The following STK32B variants were observed in gnomAD, a reference collection of about 807,000 sequenced individuals.
STK32B encodes the protein serine/threonine-protein kinase 32B.
In STK32B, 43 loss-of-function variants were observed where a neutral mutation model predicts 52.6. The observed-to-expected ratio is 0.82, with a 90% CI of 0.64 to 1.05. The LOEUF is 1.05. Ranked by LOEUF, STK32B falls within the 50% of genes least tolerant of loss-of-function variation. STK32B has a pLI of 0.00. For synonymous variants in STK32B, 238 were observed against 204.3 expected (o/e 1.17, Z -1.41); for missense variants, 621 against 534.6 (o/e 1.16, Z -1.59).
At chr4:5,404,117 G>T (rs894283659) in intron 5 of STK32B, among the ~76,000 whole-genome samples, 12 of 152,110 alleles carry the variant, frequency 7.9e-5, no homozygotes, top group Admixed American at 3.3e-4. Flanking sequence ...CCAGCAAATG[G>T]CCCCTGTATT....
At chr4:5,222,544 G>A (rs1169307437) in intron 3 of STK32B, among the ~76,000 whole-genome samples, 1 of 151,706 alleles carries the variant, frequency 6.6e-6, no homozygotes, top group East Asian at 1.9e-4. Flanking sequence ...GAAAACTGAA[G>A]GAAAGACAAC....
chr4:5,179,627 C>T (rs79341558), intron 3 of STK32B, among the ~76,000 whole-genome samples: 28,508 of 152,014 alleles, frequency 0.19, 3,345 homozygotes, highest in East Asian at 0.3. Flanking sequence ...GATTGATAGA[C>T]GATGGCCCTT....
Position 5,331,411 on chromosome 4 carries a change from G to T in STK32B, c.434+18G>T. 1 of 1,596,750 alleles carries T rather than the reference G, an allele frequency of 6.3e-7. No homozygotes were observed. The highest frequency in any genetic ancestry group is 1.1e-5 in the South Asian group (1 of 88,200). Reference sequence around the variant, plus strand: ...ATCCACAGGTAACTGGGCTGCTGGCGGGATGCCTGGGACAGAGGGACCATG... The same window carrying T: ...ATCCACAGGTAACTGGGCTGCTGGCTGGATGCCTGGGACAGAGGGACCATG... On this transcript the variant is annotated intron_variant, in intron 4 of 11. Transcript: ENST00000282908.
At chr4:5,236,237 CT>C (rs1468198169) in intron 3 of STK32B, among the ~76,000 whole-genome samples, 1 of 152,190 alleles carries the variant, frequency 6.6e-6, no homozygotes, top group African/African-American at 2.4e-5. Flanking sequence ...CTTTTCTGAA[CT>C]TCACACCTTC....
chr4:5,031,912 CTG>C, the STK32B span, among the ~76,000 whole-genome samples: 1 of 152,288 alleles, frequency 6.6e-6, no homozygotes, highest in African/African-American at 2.4e-5. Context: ...CTCACCAGAT[CTG>C]TGTCTATAGA....
chr4:5,239,182 A>G (rs1476969604), intron 3 of STK32B, among the ~76,000 whole-genome samples: 1 of 152,124 alleles, frequency 6.6e-6, no homozygotes, highest in Non-Finnish European at 1.5e-5. Flanking sequence ...GACAGGAGAC[A>G]GAGAGAGGTG....
intron 1 of STK32B, among the ~76,000 whole-genome samples, chr4:5,098,657 C>T (rs1577066726): frequency 1.3e-5 from 2 of 152,334 alleles, no homozygotes; most frequent in East Asian, 3.9e-4. Flanking sequence ...GCTAAATGTA[C>T]TAAATGTAGG....
chr4:5,307,108 A>G (rs10032256), intron 3 of STK32B, among the ~76,000 whole-genome samples: 19,486 of 152,090 alleles, frequency 0.13, 2,707 homozygotes, highest in African/African-American at 0.36. Context: ...TCTGATGACT[A>G]TGTTCCTAGG....
At chr4:5,220,042 A>G (rs1278473807) in intron 3 of STK32B, among the ~76,000 whole-genome samples, 2 of 152,202 alleles carry the variant, frequency 1.3e-5, no homozygotes, top group African/African-American at 4.8e-5. Context: ...ATTTTATTGT[A>G]CACACTAAAG....
chr4:5,332,382 C>T (rs1195117899), intron 4 of STK32B, among the ~76,000 whole-genome samples: 1 of 152,096 alleles, frequency 6.6e-6, no homozygotes, highest in African/African-American at 2.4e-5. Context: ...CTAAAGAATT[C>T]CCCAAAAGCT....
At chr4:5,263,367 C>T (rs767869834) in intron 3 of STK32B, among the ~76,000 whole-genome samples, 25 of 152,168 alleles carry the variant, frequency 1.6e-4, no homozygotes, top group Non-Finnish European at 1.5e-4. Flanking sequence ...TGCCCAGTCT[C>T]CTAAAGCCAC....
At chr4:5,084,842 A>G (rs888831359) in intron 1 of STK32B, among the ~76,000 whole-genome samples, 1 of 152,216 alleles carries the variant, frequency 6.6e-6, no homozygotes, top group Non-Finnish European at 1.5e-5. Flanking sequence ...TGCTTATGCC[A>G]GAGGAGACAC....
chr4:5,294,617 G>T (rs1041844332), intron 3 of STK32B, among the ~76,000 whole-genome samples: 5 of 152,076 alleles, frequency 3.3e-5, no homozygotes, highest in Non-Finnish European at 1.5e-5. Flanking sequence ...TTTTCCCATT[G>T]ATTTTGTATT....
chr4:5,423,857 A>C (rs561898199), intron 6 of STK32B, among the ~76,000 whole-genome samples: 2 of 152,162 alleles, frequency 1.3e-5, no homozygotes, highest in Admixed American at 6.5e-5. Flanking sequence ...TCCATGCTCC[A>C]CAGAGCCAAT....
chr4:5,425,177 G>A (rs1712988122), intron 6 of STK32B, among the ~76,000 whole-genome samples: 1 of 152,220 alleles, frequency 6.6e-6, no homozygotes, highest in African/African-American at 2.4e-5. Context: ...TGGACCAGTA[G>A]CACAAGCTGA....
chr4:5,095,888 T>A (rs934692612), intron 1 of STK32B, among the ~76,000 whole-genome samples: 2 of 152,240 alleles, frequency 1.3e-5, no homozygotes, highest in African/African-American at 4.8e-5. Context: ...ATGTTATTAA[T>A]CATTCAAAGT....
At chr4:5,289,506 T>C (rs1396657230) in intron 3 of STK32B, among the ~76,000 whole-genome samples, 1 of 152,022 alleles carries the variant, frequency 6.6e-6, no homozygotes, top group African/African-American at 2.4e-5. Context: ...TATAAATATA[T>C]AAAGAGGTGT....
intron 3 of STK32B, among the ~76,000 whole-genome samples, chr4:5,224,977 C>T (rs1055735284): frequency 1.3e-5 from 2 of 151,974 alleles, no homozygotes; most frequent in Non-Finnish European, 2.9e-5. Context: ...AAAGTGTTCT[C>T]GGTCATTCAT....
intron 2 of STK32B, among the ~76,000 whole-genome samples, chr4:5,154,966 C>T (rs139088178): frequency 6.6e-6 from 1 of 152,134 alleles, no homozygotes; most frequent in African/African-American, 2.4e-5. Flanking sequence ...CCATGCCAGG[C>T]CACAAGGTCA....
Sources: allele counts gnomAD v4.1 joint callset (sites outside exome capture counted in the v4.1 genomes callset), GRCh38; gene constraint gnomAD v4.1.1; transcripts MANE v1.5; gene names NCBI Gene and HGNC (gene_info 2026-07-23, HGNC 2026-07-21).